ST13: variants seen among roughly 807,000 people sequenced by gnomAD.
ST13 encodes hsc70-interacting protein.
In ST13, 23 loss-of-function variants were observed where a neutral mutation model predicts 56.7. The observed-to-expected ratio is 0.41, with a 90% CI of 0.29 to 0.57. The LOEUF (loss-of-function observed/expected upper bound fraction) is 0.57, where lower values mean the gene tolerates loss of function less well. ST13 is among the 20% of genes least tolerant of loss of function. ST13 has a pLI of 0.36. For missense variants in ST13, 369 were observed against 459.9 expected, an observed-to-expected ratio of 0.80 and a Z score of 1.81; for synonymous variants, 132 against 142.4, an observed-to-expected ratio of 0.93 and a Z score of 0.52.
At chr22:40,830,777 G>A in intron 9 of ST13, 63 bp downstream of exon 9, 1 of 1,006,244 alleles carries the variant, frequency 9.9e-7, no homozygotes, top group Non-Finnish European at 1.5e-6. Flanking sequence ...AAATTTTAGT[G>A]TCCTAATGCC....
rs772192788 is a variant in ST13, at chr22:40,856,565, G to C, written c.-25C>G. 9 of 1,587,038 alleles carry C rather than the reference G, an allele frequency of 5.7e-6. No individual in the cohort carries two copies. The East Asian group carries it at 1.3e-4, about 24-fold the overall frequency. On this transcript the variant is annotated 5_prime_UTR_variant, in exon 1 of 12. Coordinates refer to ENST00000216218, the MANE Select transcript of ST13 (RefSeq NM_003932.5). The stretch of plus-strand genomic sequence containing the variant: ...TGGTAGGGAGGTGGTGGGCGAAACT[G>C]GGGGGGCTACGGCCCGGTTCCAGGC...
chr22:40,826,297 TA>T lies in ST13; in HGVS notation c.*240del. 1 of 320,228 alleles carries T rather than the reference TA, an allele frequency of 3.1e-6. No homozygotes were observed. Among genetic ancestry groups the T allele is most frequent in the East Asian group, 5.2e-5 (1 of 19,342 alleles). The allele number at this position is 320,228 out of a possible 1,614,324, so 19.8% of individuals were successfully genotyped here. On this transcript the variant is annotated 3_prime_UTR_variant, in exon 12 of 12. Coordinates refer to ENST00000216218, the MANE Select transcript of ST13 (RefSeq NM_003932.5). ...ATTTGTTTTAAATATTTTGAAGATT[TA>T]AAAAGTGTTTAAAGTTTGTAATTCC... is the stretch of plus-strand genomic sequence containing the variant.
intron 5 of ST13, among the ~76,000 whole-genome samples, chr22:40,840,020 C>T (rs777895576): frequency 5.9e-5 from 9 of 151,446 alleles, no homozygotes; most frequent in Non-Finnish European, 1.0e-4. Context: ...CATGGTGGTA[C>T]GCGCTTGTAA....
intron 4 of ST13, among the ~76,000 whole-genome samples, chr22:40,842,889 T>C (rs376441008): frequency 5.9e-5 from 9 of 152,228 alleles, no homozygotes; most frequent in African/African-American, 2.2e-4. Flanking sequence ...CAGTGACTCA[T>C]ACCTGTAATC....
At chr22:40,831,455 T>C (rs772098286) in intron 8 of ST13, among the ~76,000 whole-genome samples, 39 of 152,292 alleles carry the variant, frequency 2.6e-4, no homozygotes, top group Middle Eastern at 6.8e-3. Context: ...CTATAGGGAT[T>C]AAGAGGGAAA....
chr22:40,852,253 T>G (rs757979731), intron 1 of ST13, among the ~76,000 whole-genome samples: 9 of 152,262 alleles, frequency 5.9e-5, no homozygotes, highest in Non-Finnish European at 1.2e-4. Flanking sequence ...TCTTAAAGAT[T>G]TTTTAGCCAT....
At chr22:40,856,341 C>T in intron 1 of ST13, 90 bp downstream of exon 1, 1 of 1,176,364 alleles carries the variant, frequency 8.5e-7, no homozygotes, top group South Asian at 1.2e-5. Context: ...GCGACCCCGC[C>T]TCGCCCGCCG....
chr22:40,833,425 C>T (rs528326362), intron 7 of ST13, among the ~76,000 whole-genome samples: 3 of 151,772 alleles, frequency 2.0e-5, no homozygotes, highest in South Asian at 2.1e-4. Flanking sequence ...AAAAACCAGG[C>T]GCGGTGGCAG....
chr22:40,826,808 A>T, intron 11 of ST13, 142 bp from the exon 12 acceptor site: 1 of 1,018,322 alleles, frequency 9.8e-7, no homozygotes, highest in South Asian at 1.7e-5. Context: ...TTGAAGTATC[A>T]AAATCAAGCT....
intron 8 of ST13, chr22:40,832,153 C>T (rs548853973): frequency 1.2e-4 from 57 of 470,534 alleles, no homozygotes; most frequent in African/African-American, 1.1e-3. Context: ...CGCGCCTGGC[C>T]GGAAAGCCTG....
intron 3 of ST13, among the ~76,000 whole-genome samples, chr22:40,847,861 A>G (rs2145747568): frequency 6.6e-6 from 1 of 152,254 alleles, no homozygotes; most frequent in Middle Eastern, 3.4e-3. Context: ...AGCCTTGCCA[A>G]CATGGTGAAA....
At chr22:40,849,537 TTTG>T (rs2057850626) in intron 2 of ST13, among the ~76,000 whole-genome samples, 1 of 149,630 alleles carries the variant, frequency 6.7e-6, no homozygotes, top group Non-Finnish European at 1.5e-5. Flanking sequence ...TCACAAAATA[TTTG>T]TTGAGTCCCT....
chr22:40,838,916 A>T (rs1008684883), intron 5 of ST13, among the ~76,000 whole-genome samples: 23 of 152,212 alleles, frequency 1.5e-4, no homozygotes, highest in African/African-American at 5.3e-4. Context: ...ATAAATAAAA[A>T]AAAAAAAAAA....
chr22:40,841,143 T>C (rs1163270932), intron 4 of ST13, among the ~76,000 whole-genome samples: 1 of 150,648 alleles, frequency 6.6e-6, no homozygotes, highest in East Asian at 1.9e-4. Context: ...TAAAGATTAG[T>C]TAAGAACAAA....
chr22:40,848,520 G>C, intron 2 of ST13, 151 bp from the exon 3 acceptor site: 1 of 635,158 alleles, frequency 1.6e-6, no homozygotes, highest in Non-Finnish European at 2.8e-6. Flanking sequence ...GCTGGGGTGG[G>C]TGGATCATTT....
intron 10 of ST13, among the ~76,000 whole-genome samples, chr22:40,829,142 G>A (rs1318632257): frequency 1.3e-5 from 2 of 152,156 alleles, no homozygotes; most frequent in South Asian, 4.1e-4. Context: ...TCTAGCATCG[G>A]ATCATGCAAC....
intron 1 of ST13, among the ~76,000 whole-genome samples, chr22:40,851,543 G>A (rs1178691917): frequency 6.6e-6 from 1 of 152,044 alleles, no homozygotes; most frequent in South Asian, 2.1e-4. Flanking sequence ...AAGAATTAGC[G>A]TTACATGCTC....
intron 5 of ST13, among the ~76,000 whole-genome samples, chr22:40,839,220 C>A (rs567122423): frequency 6.6e-6 from 1 of 152,270 alleles, no homozygotes; most frequent in South Asian, 2.1e-4. Context: ...GGTAGAATCA[C>A]AAAATGTTTA....
intron 10 of ST13, among the ~76,000 whole-genome samples, chr22:40,828,057 G>A (rs2057736993): frequency 6.6e-6 from 1 of 152,066 alleles, no homozygotes; most frequent in African/African-American, 2.4e-5. Flanking sequence ...AGTTAAGGAC[G>A]ACCTTAAAAG....
Sources: allele counts gnomAD v4.1 joint callset (sites outside exome capture counted in the v4.1 genomes callset), GRCh38; gene constraint gnomAD v4.1.1; transcripts MANE v1.5; gene names NCBI Gene and HGNC (gene_info 2026-07-23, HGNC 2026-07-21).